The following STK38L variants were observed in gnomAD, a reference collection of about 807,000 sequenced individuals.
STK38L encodes serine/threonine-protein kinase 38-like.
In STK38L, 28 loss-of-function variants were observed where a neutral mutation model predicts 59.7. The ratio of observed to expected loss-of-function variants is 0.47; its 90% CI spans 0.35 to 0.64. STK38L has a LOEUF of 0.64. STK38L is among the 30% of genes least tolerant of loss of function. STK38L has a pLI of 0.01. For synonymous variants in STK38L, 162 were observed against 176.8 expected (o/e 0.92, Z 0.66); for missense variants, 314 against 555.8 (o/e 0.56, Z 4.37).
chr12:27,304,958 A>C (rs1178620431), intron 3 of STK38L, among the ~76,000 whole-genome samples: 1 of 152,202 alleles, frequency 6.6e-6, no homozygotes, highest in Non-Finnish European at 1.5e-5. Flanking sequence ...ATTTTCTTAA[A>C]TATTGATCCT....
intron 1 of STK38L, among the ~76,000 whole-genome samples, chr12:27,258,580 C>T (rs1354704509): frequency 2.0e-5 from 3 of 152,244 alleles, no homozygotes; most frequent in South Asian, 2.1e-4. Flanking sequence ...GTGCCCGCCT[C>T]GGCCTCCCAA....
At chr12:27,269,055 C>T (rs1591865397) in intron 1 of STK38L, among the ~76,000 whole-genome samples, 2 of 151,972 alleles carry the variant, frequency 1.3e-5, no homozygotes, top group East Asian at 3.9e-4. Flanking sequence ...AAAATTTTTT[C>T]CCATTCTGTA....
At chr12:27,277,689 C>T (rs1351695640) in intron 1 of STK38L, among the ~76,000 whole-genome samples, 4 of 151,898 alleles carry the variant, frequency 2.6e-5, no homozygotes, top group Non-Finnish European at 5.9e-5. Context: ...AAAGCAAATT[C>T]CCACTCCAGT....
chr12:27,253,881 G>A lies in STK38L; in HGVS notation c.-12+9549G>A, dbSNP rs1307415537. Among the ~76,000 whole-genome samples the A allele has an allele frequency of 2.0e-5, 3 of 152,182 alleles. No homozygotes were observed. The East Asian group carries it at 5.8e-4, about 29-fold the overall frequency. ...TTTGCTGTCTATTTATGTTTATCCA[G>A]CTTTAGCACTCTGAGCTTTTGTAAG... On this transcript the variant is annotated intron_variant, in intron 1 of 13. Transcript: ENST00000389032.
chr12:27,319,995 G>A (rs917177409), intron 12 of STK38L, among the ~76,000 whole-genome samples: 4 of 152,200 alleles, frequency 2.6e-5, no homozygotes, highest in Admixed American at 1.3e-4. Flanking sequence ...TTGGAATACA[G>A]TTAAGAAGCC....
intron 5 of STK38L, among the ~76,000 whole-genome samples, chr12:27,310,002 G>C (rs1371293038): frequency 6.6e-6 from 1 of 152,204 alleles, no homozygotes; most frequent in Non-Finnish European, 1.5e-5. Context: ...TATTTAAGGA[G>C]AGAAATTGTG....
chr12:27,307,437 C>T (rs1182159454), intron 3 of STK38L, among the ~76,000 whole-genome samples: 2 of 152,194 alleles, frequency 1.3e-5, no homozygotes, highest in East Asian at 3.8e-4. Flanking sequence ...CCATGAGCTG[C>T]ATTTAGAAGC....
chr12:27,271,984 G>A (rs1031463966), intron 1 of STK38L, among the ~76,000 whole-genome samples: 2 of 152,184 alleles, frequency 1.3e-5, no homozygotes, highest in Admixed American at 6.5e-5. Context: ...ATAGGCATGA[G>A]CCACCGTACT....
At chr12:27,306,680 A>T (rs1356269953) in intron 3 of STK38L, among the ~76,000 whole-genome samples, 1 of 146,072 alleles carries the variant, frequency 6.8e-6, no homozygotes, top group Non-Finnish European at 1.5e-5. Context: ...AGAAAGCAGG[A>T]ATTTGCCAGT....
chr12:27,290,869 C>G (rs1445461782), intron 1 of STK38L, among the ~76,000 whole-genome samples: 1 of 152,166 alleles, frequency 6.6e-6, no homozygotes, highest in Non-Finnish European at 1.5e-5. Flanking sequence ...GTGAAACCTT[C>G]TACTTTCTAA....
At chr12:27,293,002 T>C (rs1565540492) in intron 1 of STK38L, among the ~76,000 whole-genome samples, 1 of 152,164 alleles carries the variant, frequency 6.6e-6, no homozygotes, top group Admixed American at 6.5e-5. Flanking sequence ...GTCCAGTGGC[T>C]ATGCATAGGC....
intron 1 of STK38L, among the ~76,000 whole-genome samples, chr12:27,261,763 G>A (rs1943208459): frequency 6.6e-6 from 1 of 152,184 alleles, no homozygotes; most frequent in Admixed American, 6.5e-5. Context: ...TTTTGTATCT[G>A]TAAAATGGGG....
chr12:27,255,014 A>G (rs1277766371), intron 1 of STK38L, among the ~76,000 whole-genome samples: 1 of 152,224 alleles, frequency 6.6e-6, no homozygotes, highest in African/African-American at 2.4e-5. Context: ...TTGTATATGG[A>G]CCAGTGTCTC....
intron 1 of STK38L, among the ~76,000 whole-genome samples, chr12:27,272,480 C>T (rs916172018): frequency 6.6e-6 from 1 of 151,252 alleles, no homozygotes; most frequent in Non-Finnish European, 1.5e-5. Flanking sequence ...TAGCTCTTTT[C>T]CCTCCTTTAT....
Position 27,325,910 on chromosome 12 carries a change from G to A in STK38L, c.*3455G>A, listed in dbSNP as rs1684869202. The A allele has an allele frequency of 2.0e-5, 3 of 152,104 alleles. No individual in the cohort carries two copies. In the South Asian group the frequency reaches 6.2e-4, roughly 32 times the overall value. The allele number at this position is 152,104 out of a possible 1,614,324, so 9.4% of individuals were successfully genotyped here. A position where few individuals can be genotyped will look rare whatever the true frequency, so the allele number is the denominator to read the frequency against. ...TTCAAAAATGTTTTGGTGGCATGAG[G>A]ACAAAATTTCATTGAAGGTAAGATA... is the stretch of plus-strand genomic sequence containing the variant. On this transcript the variant is annotated 3_prime_UTR_variant, in exon 14 of 14. Transcript: ENST00000389032.
In STK38L at chr12:27,308,949, A is replaced by G. The variant is rs1397118288; in HGVS notation, c.310-165A>G. On this transcript the variant is annotated intron_variant, in intron 4 of 13. Coordinates refer to ENST00000389032, the MANE Select transcript of STK38L (RefSeq NM_015000.4). This position sits in a 1 kb window ranked among gnomAD's most constrained non-coding sequence, Gnocchi z 4.5. ...ATATAAAATATATATAAATATATAT[A>G]TAACATATATAAAAATATATAGATA... Among the ~76,000 whole-genome samples, 1 of 142,796 alleles carries G rather than the reference A, an allele frequency of 7.0e-6. No homozygotes were observed. Among genetic ancestry groups the G allele is most frequent in the African/African-American group, 2.5e-5 (1 of 40,228 alleles). 93.7% of individuals were successfully genotyped at this position (142,796 alleles called of 152,430 possible). A position where few individuals can be genotyped will look rare whatever the true frequency, so the allele number is the denominator to read the frequency against.
chr12:27,306,671 G>C (rs1440250865), intron 3 of STK38L, among the ~76,000 whole-genome samples: 1 of 150,058 alleles, frequency 6.7e-6, no homozygotes, highest in Admixed American at 6.7e-5. Context: ...TTCCCTTAAA[G>C]AAAGCAGGAA....
rs1171499515 is a variant in STK38L at position 27,308,058 on chromosome 12, T to C, written c.187-281T>C. 6.6e-6 allele frequency among the ~76,000 whole-genome samples: 1 copy of C among 150,950 alleles called. No individual in the cohort carries two copies. The highest frequency in any genetic ancestry group is 1.5e-5 in the Non-Finnish European group (1 of 67,874). On this transcript the variant is annotated intron_variant, in intron 3 of 13. Coordinates refer to ENST00000389032, the MANE Select transcript of STK38L (RefSeq NM_015000.4). The surrounding 1 kb of genome is among the most constrained non-coding windows in gnomAD (Gnocchi z 4.5). ...TTTACTAACATTTAATTTTTATTTATGGAATTGTTACCATATAGATGAAAG... is the reference window on the plus strand; with the variant it reads ...TTTACTAACATTTAATTTTTATTTACGGAATTGTTACCATATAGATGAAAG...
intron 5 of STK38L, 42 bp from the exon 6 acceptor site, chr12:27,312,507 G>A: frequency 6.2e-7 from 1 of 1,602,278 alleles, no homozygotes; most frequent in Admixed American, 1.7e-5. Flanking sequence ...ACAAATGTGT[G>A]ATGTATTTAC....
Sources: allele counts gnomAD v4.1 joint callset (sites outside exome capture counted in the v4.1 genomes callset), GRCh38; gene constraint gnomAD v4.1.1; non-coding constraint Gnocchi (gnomAD v3.1); transcripts MANE v1.5; gene names NCBI Gene and HGNC (gene_info 2026-07-23, HGNC 2026-07-21).